Variants in FAM13A observed in about 807,000 individuals in gnomAD.
FAM13A encodes family with sequence similarity 13 member A.
Under a neutral mutation model 129.6 loss-of-function variants are expected in FAM13A, and 76 were observed. That is an observed-to-expected ratio of 0.59 (90% CI 0.49 to 0.71). FAM13A has a LOEUF of 0.71. FAM13A is among the 30% of genes least tolerant of loss of function. The pLI, the probability that FAM13A is intolerant of heterozygous loss-of-function variation, is 0.00. For synonymous variants in FAM13A, 443 were observed against 449.9 expected, an observed-to-expected ratio of 0.98 and a Z score of 0.20; for missense variants, 1,108 against 1,249.3, an observed-to-expected ratio of 0.89 and a Z score of 1.70.
intron 19 of FAM13A, among the ~76,000 whole-genome samples, chr4:88,739,415 G>T (rs1052135216): frequency 6.6e-6 from 1 of 151,930 alleles, no homozygotes; most frequent in East Asian, 1.9e-4. Flanking sequence ...AACTCCTCAA[G>T]GTTCAGAGTT....
intron 7 of FAM13A, among the ~76,000 whole-genome samples, chr4:88,823,644 C>A (rs1732481921): frequency 6.6e-6 from 1 of 152,230 alleles, no homozygotes; most frequent in Admixed American, 6.5e-5. Context: ...CGTCCCCTTT[C>A]TTCCTTAAAA....
chr4:88,779,664 A>G (rs147999650), intron 11 of FAM13A, among the ~76,000 whole-genome samples: 2 of 152,304 alleles, frequency 1.3e-5, no homozygotes, highest in Admixed American at 6.5e-5. Context: ...CTTTCACATA[A>G]AAAACCCCAA....
At chr4:88,781,501 C>T in intron 10 of FAM13A, 150 bp from the exon 11 acceptor site, 1 of 506,786 alleles carries the variant, frequency 2.0e-6, no homozygotes. Context: ...CAGAGTGCCA[C>T]TCCTGGGACT....
Position 88,737,466 on chromosome 4 carries a change from C to T in FAM13A, c.2646+6G>A. 1 of 1,613,300 alleles carries T rather than the reference C, an allele frequency of 6.2e-7. No individual in the cohort carries two copies. The highest frequency in any genetic ancestry group is 1.1e-5 in the South Asian group (1 of 91,058). Reference sequence around the variant, plus strand: ...TTAGCAATGGGTTAGCAGCTGGGGTCTTCACCTTTATCTCCTTGAAGAAGG... The same window carrying T: ...TTAGCAATGGGTTAGCAGCTGGGGTTTTCACCTTTATCTCCTTGAAGAAGG... On this transcript the variant is annotated splice_donor_region_variant and intron_variant, in intron 21 of 23. Transcript: ENST00000264344.
intron 5 of FAM13A, among the ~76,000 whole-genome samples, chr4:88,922,962 A>C (rs1412871440): frequency 6.6e-6 from 1 of 152,204 alleles, no homozygotes; most frequent in Non-Finnish European, 1.5e-5. Context: ...GAAATGGATA[A>C]ATTCCTCGAC....
chr4:88,946,311 G>T (rs113701071), intron 4 of FAM13A, among the ~76,000 whole-genome samples: 1 of 151,300 alleles, frequency 6.6e-6, no homozygotes, highest in Non-Finnish European at 1.5e-5. Flanking sequence ...CCTCTGTCCG[G>T]TGTGCTCTTG....
chr4:88,940,900 T>G (rs1416270330), intron 4 of FAM13A, among the ~76,000 whole-genome samples: 1 of 152,196 alleles, frequency 6.6e-6, no homozygotes, highest in East Asian at 1.9e-4. Context: ...AGAGTTTTAT[T>G]TCAGCAAAAA....
rs1233071275 is a variant in FAM13A, at chr4:88,727,140, G to GT, written c.*1392dup. The GT allele has an allele frequency of 6.6e-6, 1 of 152,490 alleles. No homozygotes were observed. Among genetic ancestry groups the GT allele is most frequent in the African/African-American group, 2.4e-5 (1 of 41,450 alleles). 9.4% of individuals were successfully genotyped at this position (152,490 alleles called of 1,614,324 possible). Reference sequence around the variant, plus strand: ...GGTGCCTCTGCTGTGTGTTCATACTGTAACACGTCGTCTAAGGCAGAGCTC... The same window carrying GT: ...GGTGCCTCTGCTGTGTGTTCATACTGTTAACACGTCGTCTAAGGCAGAGCTC... On this transcript the variant is annotated 3_prime_UTR_variant, in exon 24 of 24. Transcript: ENST00000264344.
chr4:88,991,327 A>G (rs1319838950), intron 3 of FAM13A, among the ~76,000 whole-genome samples, 177 bp from the exon 4 acceptor site: 1 of 152,106 alleles, frequency 6.6e-6, no homozygotes, highest in Non-Finnish European at 1.5e-5. Flanking sequence ...AGTCCCAGCT[A>G]CTCAGGAGGC....
chr4:88,968,776 T>C (rs1358855436), intron 4 of FAM13A, among the ~76,000 whole-genome samples: 1 of 152,150 alleles, frequency 6.6e-6, no homozygotes, highest in Non-Finnish European at 1.5e-5. Context: ...AATCATTGCC[T>C]GAATTTTTTT....
intron 4 of FAM13A, among the ~76,000 whole-genome samples, chr4:88,947,651 T>G (rs1165215611): frequency 2.0e-5 from 3 of 152,158 alleles, no homozygotes; most frequent in Non-Finnish European, 4.4e-5. Context: ...AATCCACTTT[T>G]TCTTTGTTTC....
Position 89,020,674 on chromosome 4 carries a change from A to G in FAM13A, c.218-5T>C, listed in dbSNP as rs1238179596. 24 of 1,604,970 alleles carry G rather than the reference A, an allele frequency of 1.5e-5. No homozygotes were observed. Among genetic ancestry groups the G allele is most frequent in the Non-Finnish European group, 2.0e-5 (23 of 1,171,616 alleles). ...AAAGACCTTCTTGGGTAAGTCCTGG[A>G]AGAGCAAAGTAGGCACAGAAAATAA... On this transcript the variant is annotated splice_region_variant and splice_polypyrimidine_tract_variant and intron_variant, in intron 2 of 23. Transcript: ENST00000264344.
chr4:88,754,289 C>A (rs1331007552), intron 14 of FAM13A, among the ~76,000 whole-genome samples: 3 of 152,050 alleles, frequency 2.0e-5, no homozygotes, highest in African/African-American at 4.8e-5. Context: ...AAGACTAGGC[C>A]CTGGGGGAGT....
intron 5 of FAM13A, among the ~76,000 whole-genome samples, chr4:88,920,597 G>A (rs1445270653): frequency 6.6e-6 from 1 of 152,052 alleles, no homozygotes; most frequent in Non-Finnish European, 1.5e-5. Context: ...CACAAAGATG[G>A]GGAAAAAACA....
At chr4:89,008,341 C>T (rs1765320809) in intron 3 of FAM13A, among the ~76,000 whole-genome samples, 1 of 152,154 alleles carries the variant, frequency 6.6e-6, no homozygotes, top group Non-Finnish European at 1.5e-5. Flanking sequence ...GGGCTGGTGT[C>T]CCTATAAGAA....
At chr4:89,026,197 G>T (rs910809727) in intron 2 of FAM13A, among the ~76,000 whole-genome samples, 10 of 152,162 alleles carry the variant, frequency 6.6e-5, no homozygotes, top group African/African-American at 2.4e-4. Flanking sequence ...GGGATACACA[G>T]CCTCACTCAA....
chr4:88,817,690 T>C (rs966406855), intron 7 of FAM13A, among the ~76,000 whole-genome samples: 4 of 152,202 alleles, frequency 2.6e-5, no homozygotes, highest in African/African-American at 9.7e-5. Flanking sequence ...GTAAGTTTCA[T>C]AGGAAAAAAT....
intron 4 of FAM13A, among the ~76,000 whole-genome samples, chr4:88,967,673 G>A (rs560903251): frequency 1.3e-5 from 2 of 152,138 alleles, no homozygotes; most frequent in South Asian, 2.1e-4. Flanking sequence ...AAAGATGCCC[G>A]GCAAGAGCAA....
chr4:89,010,463 A>G (rs1467479303), intron 3 of FAM13A, among the ~76,000 whole-genome samples: 1 of 151,942 alleles, frequency 6.6e-6, no homozygotes, highest in Non-Finnish European at 1.5e-5. Context: ...AGTTCCTAGA[A>G]AGTTGAAGAC....
Sources: gnomAD v4.1 joint callset for allele counts (sites outside exome capture counted in the v4.1 genomes callset) on GRCh38, gnomAD v4.1.1 for gene constraint, MANE v1.5 for transcripts, NCBI Gene and HGNC (gene_info 2026-07-23, HGNC 2026-07-21) for gene names.